RYK: variants seen among roughly 807,000 people sequenced by gnomAD.
RYK encodes receptor like tyrosine kinase.
RYK carries 21 observed loss-of-function variants against 70.2 expected under a neutral mutation model. The observed-to-expected ratio is 0.30, with a 90% CI of 0.21 to 0.43. The LOEUF is 0.43. Ranked by LOEUF, RYK falls within the 20% of genes least tolerant of loss-of-function variation. RYK has a pLI of 1.00. For missense variants in RYK, 604 were observed against 753.3 expected, an observed-to-expected ratio of 0.80 and a Z score of 2.32; for synonymous variants, 267 against 278.0, an observed-to-expected ratio of 0.96 and a Z score of 0.39.
chr3:134,159,286 G>C lies in RYK; in HGVS notation c.1663C>G (p.Leu555Val), dbSNP rs756838814. Residue 555 changes from leucine (L) to valine (V), a missense_variant, in exon 14 of 15, where the codon CTG becomes GTG. By Grantham distance (32) the Leu-to-Val change is conservative. This residue lies in a region of RYK where 138 missense variants were observed against 217.4 expected (regional missense o/e 0.63). Transcript: ENST00000623711. ...TGGGCTATTCGGTAACCATCTTTCA[G>C]GTATGCGGCCATCTCGAAGGGGTCA... ...DIDPFEMAAYLKDGYRIAQPI... is the reference protein window; with the variant it reads ...DIDPFEMAAYVKDGYRIAQPI... 6.2e-7 allele frequency: 1 copy of C among 1,613,888 alleles called. No homozygotes were observed. The highest frequency in any genetic ancestry group is 1.1e-5 in the South Asian group (1 of 91,060).
chr3:134,211,175 T>G (rs1461712642), intron 3 of RYK, among the ~76,000 whole-genome samples: 3 of 152,080 alleles, frequency 2.0e-5, no homozygotes, highest in Non-Finnish European at 4.4e-5. Context: ...GGGTCAAACA[T>G]GACCGTGCAA....
chr3:134,192,946 T>C (rs1428256976), intron 7 of RYK, among the ~76,000 whole-genome samples: 1 of 152,200 alleles, frequency 6.6e-6, no homozygotes, highest in East Asian at 1.9e-4. Flanking sequence ...CTGTGATCTG[T>C]TGCGTTGTTA....
intron 2 of RYK, among the ~76,000 whole-genome samples, chr3:134,213,455 T>C (rs1345770700): frequency 6.6e-6 from 1 of 152,224 alleles, no homozygotes; most frequent in African/African-American, 2.4e-5. Flanking sequence ...CTTATTGCCA[T>C]GCTGCACTTC....
In RYK at chr3:134,177,975, C is replaced by A. The variant is rs747240194; in HGVS notation, c.1271G>T (p.Arg424Leu). The A allele has an allele frequency of 1.9e-6, 3 of 1,612,886 alleles. No homozygotes were observed. The highest frequency in any genetic ancestry group is 2.2e-5 in the East Asian group (1 of 44,800). ...ATTGGCCTCTACTAACTTGCACTGTCGTAAAAACAATTTAAGATTCCCCCA... is the reference window on the plus strand; with the variant it reads ...ATTGGCCTCTACTAACTTGCACTGTAGTAAAAACAATTTAAGATTCCCCCA... ...MNWGNLKLFL[R>L]QCKLVEANNP... is the part of the protein sequence containing the mutation. The change falls in exon 11 of 15, where the codon CGA becomes CTA. Residue 424 changes from arginine to leucine, a missense_variant. This residue lies in a region of RYK where 466 missense variants were observed against 535.9 expected (regional missense o/e 0.87). Coordinates refer to ENST00000623711, the MANE Select transcript of RYK (RefSeq NM_002958.4).
At chr3:134,158,306 C>G in intron 14 of RYK, 42 bp from the exon 15 acceptor site, 2 of 1,314,558 alleles carry the variant, frequency 1.5e-6, no homozygotes, top group Non-Finnish European at 2.1e-6. Context: ...AGTAAGGATA[C>G]AGTATTCATA....
intron 13 of RYK, among the ~76,000 whole-genome samples, chr3:134,171,649 T>C (rs1264932866): frequency 1.3e-5 from 2 of 152,156 alleles, no homozygotes; most frequent in African/African-American, 4.8e-5. Context: ...GGAGGATCGC[T>C]TGAGCTTAGG....
At chr3:134,177,907 G>A in intron 11 of RYK, 34 bp downstream of exon 11, 2 of 1,570,934 alleles carry the variant, frequency 1.3e-6, no homozygotes, top group African/African-American at 2.7e-5. Flanking sequence ...GAAACTACTG[G>A]TAAATAATTG....
At chr3:134,218,066 G>A (rs948979181) in intron 2 of RYK, among the ~76,000 whole-genome samples, 2 of 152,116 alleles carry the variant, frequency 1.3e-5, no homozygotes, top group African/African-American at 4.8e-5. Context: ...TGTGAAATCA[G>A]TTTAGGTTTA....
At chr3:134,220,913 C>G (rs2014715012) in intron 2 of RYK, among the ~76,000 whole-genome samples, 1 of 152,056 alleles carries the variant, frequency 6.6e-6, no homozygotes, top group South Asian at 2.1e-4. Context: ...TAATAAAATG[C>G]TATTAAAAAT....
chr3:134,199,988 G>A (rs950803436), intron 6 of RYK, among the ~76,000 whole-genome samples: 2 of 150,686 alleles, frequency 1.3e-5, no homozygotes, highest in Admixed American at 6.6e-5. Flanking sequence ...TCAGCACTCT[G>A]TAAAAACAGA....
intron 4 of RYK, among the ~76,000 whole-genome samples, chr3:134,208,082 G>C (rs796430265): frequency 3.3e-5 from 5 of 152,282 alleles, no homozygotes; most frequent in African/African-American, 1.2e-4. Context: ...AACAAATACA[G>C]AGGGCCAGAG....
At chr3:134,204,649 AAC>A (rs919435222) in intron 5 of RYK, among the ~76,000 whole-genome samples, 2 of 151,542 alleles carry the variant, frequency 1.3e-5, no homozygotes, top group African/African-American at 2.4e-5. Context: ...ACTGAGAAAA[AAC>A]ACACAGCAAG....
chr3:134,159,087 G>A, intron 14 of RYK, 150 bp downstream of exon 14: 2 of 818,266 alleles, frequency 2.4e-6, no homozygotes, highest in Non-Finnish European at 4.0e-6. Context: ...CCCTGACTTT[G>A]TGGTTTTTTA....
At chr3:134,231,214 A>G (rs2015050626) in intron 1 of RYK, among the ~76,000 whole-genome samples, 1 of 151,662 alleles carries the variant, frequency 6.6e-6, no homozygotes, top group Non-Finnish European at 1.5e-5. Context: ...AAAAAAGAAG[A>G]AAATGCAGGC....
intron 10 of RYK, chr3:134,180,362 G>A (rs1406932804): frequency 6.6e-6 from 1 of 152,124 alleles, no homozygotes; most frequent in Non-Finnish European, 1.5e-5. Context: ...TGAAAAGAAA[G>A]GATTTCAAAA....
intron 1 of RYK, among the ~76,000 whole-genome samples, chr3:134,227,886 G>A (rs2014953412): frequency 6.6e-6 from 1 of 152,116 alleles, no homozygotes; most frequent in Non-Finnish European, 1.5e-5. Flanking sequence ...TGTTAGCCAG[G>A]ATAGTCTCGA....
At chr3:134,215,410 A>G (rs1343541929) in intron 2 of RYK, among the ~76,000 whole-genome samples, 2 of 152,238 alleles carry the variant, frequency 1.3e-5, no homozygotes, top group East Asian at 1.9e-4. Flanking sequence ...TTAGAGGAAT[A>G]TGAAGCATGA....
At chr3:134,207,415 T>A (rs1282655334) in intron 5 of RYK, 57 bp downstream of exon 5, 1 of 1,090,618 alleles carries the variant, frequency 9.2e-7, no homozygotes, top group Non-Finnish European at 1.3e-6. Context: ...CATGTTTATA[T>A]GCAGTCAACC....
At chr3:134,203,938 CAT>C (rs1360343635) in intron 5 of RYK, among the ~76,000 whole-genome samples, 1 of 152,154 alleles carries the variant, frequency 6.6e-6, no homozygotes, top group Non-Finnish European at 1.5e-5. Context: ...TAAAAAGCCA[CAT>C]GTGGCTAGCA....
Sources: allele counts gnomAD v4.1 joint callset (sites outside exome capture counted in the v4.1 genomes callset), GRCh38; gene constraint gnomAD v4.1.1; regional missense constraint gnomAD v4.1.1; transcripts MANE v1.5; gene names NCBI Gene and HGNC (gene_info 2026-07-23, HGNC 2026-07-21).